DLGAP2: variants seen among roughly 807,000 people sequenced by gnomAD.
DLGAP2 encodes disks large-associated protein 2.
In DLGAP2, 26 loss-of-function variants were observed where a neutral mutation model predicts 100.3. The observed-to-expected ratio is 0.26, with a 90% confidence interval of 0.19 to 0.36. The LOEUF is 0.36. DLGAP2 is among the 10% of genes least tolerant of loss of function. The pLI, the probability that DLGAP2 is intolerant of heterozygous loss-of-function variation, is 1.00. For synonymous variants in DLGAP2, 886 were observed against 630.1 expected, an observed-to-expected ratio of 1.41 and a Z score of -6.08; for missense variants, 1,858 against 1,453.2, an observed-to-expected ratio of 1.28 and a Z score of -4.53.
rs75867533 is a variant in DLGAP2 at position 1,408,931 on chromosome 8, T to A, written c.107-92435T>A. 3.5e-3 allele frequency among the ~76,000 whole-genome samples: 529 copies of A among 152,348 alleles called. 9 individuals carry two copies. In the East Asian group the frequency reaches 0.047, roughly 14 times the overall value. ...ACCCTCCTGGGCCACAGGGTCTGTCTTGTTGGAGACAGTGGACATTTAATC... is the reference window on the plus strand; with the variant it reads ...ACCCTCCTGGGCCACAGGGTCTGTCATGTTGGAGACAGTGGACATTTAATC... On this transcript the variant is annotated intron_variant, in intron 3 of 14. Coordinates refer to ENST00000637795, the MANE Select transcript of DLGAP2 (RefSeq NM_001346810.2).
chr8:1,682,578 G>A lies in DLGAP2; in HGVS notation c.2704+3949G>A, dbSNP rs543428335. ...CAACCTCAGCCTCCCGAGTTCAAGT[G>A]ATTCTCCTGCCTCAGCCTCCCAAGT... On this transcript the variant is annotated intron_variant, in intron 12 of 14. Coordinates refer to ENST00000637795, the MANE Select transcript of DLGAP2 (RefSeq NM_001346810.2). Among the ~76,000 whole-genome samples, 946 of 146,384 alleles carry A rather than the reference G, an allele frequency of 6.5e-3. 6 individuals are homozygous for A. The highest frequency in any genetic ancestry group is 0.011 in the Non-Finnish European group (696 of 64,048).
rs78638727 is a variant in DLGAP2 at position 1,438,565 on chromosome 8, G to A, written c.107-62801G>A. On this transcript the variant is annotated intron_variant, in intron 3 of 14. Coordinates refer to ENST00000637795, the MANE Select transcript of DLGAP2 (RefSeq NM_001346810.2). ...TAATTTTTTTCTTTTCAAAAGAATG[G>A]CTGATATCGAAAATATTTTAGTGAA... Among the ~76,000 whole-genome samples, 616 of 152,194 alleles carry A rather than the reference G, an allele frequency of 4.0e-3. 6 individuals carry two copies. The highest frequency in any genetic ancestry group is 0.014 in the African/African-American group (584 of 41,508).
intron 3 of DLGAP2, among the ~76,000 whole-genome samples, chr8:1,289,612 G>C (rs928620537): frequency 1.3e-5 from 2 of 152,160 alleles, no homozygotes; most frequent in African/African-American, 4.8e-5. Context: ...CTGTCCCTGG[G>C]GGCTGGCCTG....
intron 2 of DLGAP2, among the ~76,000 whole-genome samples, chr8:941,475 C>G (rs548658603): frequency 1.3e-5 from 2 of 152,124 alleles, no homozygotes; most frequent in East Asian, 1.9e-4. Context: ...CTAGATGCCA[C>G]GAGGGCTCAT....
intron 2 of DLGAP2, among the ~76,000 whole-genome samples, chr8:1,098,241 T>C (rs187655317): frequency 6.6e-6 from 1 of 152,338 alleles, no homozygotes; most frequent in Admixed American, 6.5e-5. Context: ...CCAGTTTGTT[T>C]CCAAAAATAT....
chr8:1,352,755 C>T (rs1414204516), intron 3 of DLGAP2, among the ~76,000 whole-genome samples: 1 of 152,126 alleles, frequency 6.6e-6, no homozygotes, highest in African/African-American at 2.4e-5. Flanking sequence ...ATTTCTCCTG[C>T]CTTTCTGAGG....
At chr8:1,431,875 C>G (rs1336422441) in intron 3 of DLGAP2, among the ~76,000 whole-genome samples, 2 of 152,186 alleles carry the variant, frequency 1.3e-5, no homozygotes, top group African/African-American at 4.8e-5. Context: ...CACCCAGCAC[C>G]CCATGCCAGC....
intron 3 of DLGAP2, among the ~76,000 whole-genome samples, chr8:1,389,824 G>T (rs1205759436): frequency 6.6e-6 from 1 of 152,034 alleles, no homozygotes; most frequent in African/African-American, 2.4e-5. Context: ...ATCCAACGCA[G>T]ACCCAGATCT....
intron 10 of DLGAP2, 97 bp downstream of exon 10, chr8:1,669,881 C>T (rs1798646944): frequency 2.6e-6 from 2 of 761,282 alleles, no homozygotes; most frequent in Admixed American, 1.8e-5. Context: ...CGCCTCTGTC[C>T]TGATTCTATG....
intron 3 of DLGAP2, among the ~76,000 whole-genome samples, chr8:1,445,504 G>C (rs1584911987): frequency 6.6e-6 from 1 of 151,910 alleles, no homozygotes; most frequent in Admixed American, 6.6e-5. Flanking sequence ...GGACATTTGG[G>C]TTGGTTCCAA....
At chr8:1,382,665 C>G (rs1308784812) in intron 3 of DLGAP2, among the ~76,000 whole-genome samples, 2 of 152,034 alleles carry the variant, frequency 1.3e-5, no homozygotes, top group African/African-American at 2.4e-5. Flanking sequence ...TTGTGTAAGC[C>G]TGGGAGATGG....
chr8:872,747 A>G (rs965590936), intron 1 of DLGAP2, among the ~76,000 whole-genome samples: 1 of 152,202 alleles, frequency 6.6e-6, no homozygotes, highest in African/African-American at 2.4e-5. Flanking sequence ...ACATGCAACT[A>G]TCACCACAGT....
At chr8:909,982 T>G (rs955980) in intron 2 of DLGAP2, among the ~76,000 whole-genome samples, 18,945 of 152,280 alleles carry the variant, frequency 0.12, 1,494 homozygotes, top group Admixed American at 0.26. Context: ...GTAATTTTCT[T>G]CTACCTCAAT....
chr8:1,513,425 T>G (rs1584972900), intron 4 of DLGAP2, among the ~76,000 whole-genome samples: 1 of 152,176 alleles, frequency 6.6e-6, no homozygotes, highest in East Asian at 1.9e-4. Flanking sequence ...CCACGGAGGC[T>G]CGGTGGGATA....
At chr8:1,628,638 C>T (rs1358187614) in intron 7 of DLGAP2, among the ~76,000 whole-genome samples, 4 of 147,376 alleles carry the variant, frequency 2.7e-5, no homozygotes, top group African/African-American at 7.7e-5. Flanking sequence ...GCCGACCTCA[C>T]ATTCTGTCTG....
intron 2 of DLGAP2, among the ~76,000 whole-genome samples, chr8:1,195,350 G>A (rs1797729187): frequency 1.3e-5 from 2 of 152,212 alleles, no homozygotes; most frequent in South Asian, 4.1e-4. Flanking sequence ...TGGAGGCCTG[G>A]CCAGATGCAC....
At chr8:1,028,063 G>T (rs1359783781) in intron 2 of DLGAP2, among the ~76,000 whole-genome samples, 1 of 135,720 alleles carries the variant, frequency 7.4e-6, no homozygotes, top group African/African-American at 2.8e-5. Flanking sequence ...TATTCTCCAG[G>T]TGGGGTGCCA....
intron 3 of DLGAP2, among the ~76,000 whole-genome samples, chr8:1,446,698 A>C (rs1258026715): frequency 6.6e-6 from 1 of 152,188 alleles, no homozygotes; most frequent in Non-Finnish European, 1.5e-5. Context: ...GGCCATTTTC[A>C]CAATATTGAT....
In DLGAP2 at chr8:1,334,950, T is replaced by G. The variant is rs1437053661; in HGVS notation, c.106+76067T>G. Among the ~76,000 whole-genome samples the G allele has an allele frequency of 2.0e-5, 3 of 152,178 alleles. No homozygotes were observed. The East Asian group carries it at 5.8e-4, about 29-fold the overall frequency. On this transcript the variant is annotated intron_variant, in intron 3 of 14. Transcript: ENST00000637795. ...AAGTTTGCCATCTCCCATCAGGCAG[T>G]ATCCCGGGACCCAGCCCTCGCAGGC...
Sources: gnomAD v4.1 joint callset for allele counts (sites outside exome capture counted in the v4.1 genomes callset) on GRCh38, gnomAD v4.1.1 for gene constraint, MANE v1.5 for transcripts, NCBI Gene and HGNC (gene_info 2026-07-23, HGNC 2026-07-21) for gene names.